The following SCAI variants were observed in gnomAD, a reference collection of about 807,000 sequenced individuals.
The protein encoded by SCAI is protein SCAI.
A neutral mutation model predicts 92.2 loss-of-function variants in SCAI; 24 were observed. The observed-to-expected ratio is 0.26, with a 90% CI of 0.19 to 0.37. The LOEUF (loss-of-function observed/expected upper bound fraction) is 0.37, where lower values mean the gene tolerates loss of function less well. SCAI is among the 10% of genes least tolerant of loss of function. The probability of loss-of-function intolerance (pLI) is 1.00; values close to 1 mark genes in which losing one functional copy is unlikely to be tolerated. For synonymous variants in SCAI, 261 were observed against 258.6 expected, an observed-to-expected ratio of 1.01 and a Z score of -0.09; for missense variants, 450 against 736.2, an observed-to-expected ratio of 0.61 and a Z score of 4.50.
intron 3 of SCAI, among the ~76,000 whole-genome samples, chr9:125,046,305 TCATATATATATACACACACACACA>T (rs1327148288): frequency 2.0e-5 from 1 of 49,690 alleles, no homozygotes; most frequent in African/African-American, 6.9e-5. Context: ...ATGGCCTATC[TCATATATATATACACACACACACA>T]CACATATATA....
At chr9:125,099,456 A>G (rs1014255258) in intron 2 of SCAI, among the ~76,000 whole-genome samples, 1 of 151,806 alleles carries the variant, frequency 6.6e-6, no homozygotes, top group African/African-American at 2.4e-5. Context: ...ATTTTTTTGT[A>G]TTTTTAGTAG....
At chr9:124,982,203 C>G (rs1440094065) in intron 14 of SCAI, among the ~76,000 whole-genome samples, 1 of 152,118 alleles carries the variant, frequency 6.6e-6, no homozygotes, top group East Asian at 1.9e-4. Context: ...GCAATCACGA[C>G]AATCCTGTGA....
intron 2 of SCAI, among the ~76,000 whole-genome samples, chr9:125,057,959 T>C (rs1310926767): frequency 6.6e-6 from 1 of 151,770 alleles, no homozygotes; most frequent in East Asian, 1.9e-4. Flanking sequence ...CCAGATGTGG[T>C]GGCAGGTGCC....
chr9:124,961,536 G>A (rs1281171633), intron 17 of SCAI, among the ~76,000 whole-genome samples: 1 of 151,706 alleles, frequency 6.6e-6, no homozygotes, highest in Non-Finnish European at 1.5e-5. Context: ...TGTAATCCCA[G>A]CTACTCGGGA....
intron 3 of SCAI, among the ~76,000 whole-genome samples, chr9:125,051,564 T>C (rs1279433744): frequency 6.6e-6 from 1 of 152,226 alleles, no homozygotes; most frequent in African/African-American, 2.4e-5. Context: ...GATAAATGTT[T>C]GAAGTGATGG....
intron 2 of SCAI, among the ~76,000 whole-genome samples, chr9:125,106,112 A>AAAAAT (rs1834775871): frequency 4.1e-5 from 2 of 48,538 alleles, no homozygotes; most frequent in Non-Finnish European, 8.5e-5. Context: ...AAAAAAAAAA[A>AAAAAT]AAAAAAAAAA....
At chr9:124,989,492 A>G (rs181347331) in intron 14 of SCAI, among the ~76,000 whole-genome samples, 1 of 152,128 alleles carries the variant, frequency 6.6e-6, no homozygotes, top group East Asian at 1.9e-4. Context: ...GAGAGAGGAG[A>G]ATCACTTGAA....
intron 15 of SCAI, among the ~76,000 whole-genome samples, chr9:124,973,806 G>A (rs201806834): frequency 1.3e-5 from 2 of 152,028 alleles, no homozygotes; most frequent in Non-Finnish European, 1.5e-5. Flanking sequence ...TAGCCTGGGC[G>A]ACAGTGCAAG....
chr9:125,051,440 T>C (rs1211527531), intron 3 of SCAI, among the ~76,000 whole-genome samples: 1 of 152,226 alleles, frequency 6.6e-6, no homozygotes, highest in Non-Finnish European at 1.5e-5. Context: ...TTATTAGTAT[T>C]GTAAAATTTT....
intron 3 of SCAI, among the ~76,000 whole-genome samples, chr9:125,031,405 G>A (rs546780729): frequency 1.3e-5 from 2 of 152,160 alleles, no homozygotes; most frequent in South Asian, 2.1e-4. Flanking sequence ...GGGGCTACAG[G>A]TGCCTGCCAC....
chr9:125,089,666 G>T lies in SCAI; in HGVS notation c.99-33659C>A, dbSNP rs183424434. 2.3e-4 allele frequency among the ~76,000 whole-genome samples: 35 copies of T among 150,462 alleles called. 1 individual carries two copies. Among genetic ancestry groups the T allele is most frequent in the Admixed American group, 1.9e-3 (29 of 15,106 alleles). On this transcript the variant is annotated intron_variant, in intron 2 of 17. Transcript: ENST00000336505. The stretch of plus-strand genomic sequence containing the variant: ...AAGTTTGAGGCAGTAATCTAGCTGG[G>T]TTTTTTTTTGGTTTGGGGTTGGGGG...
chr9:124,968,107 T>C (rs564422350), intron 17 of SCAI, among the ~76,000 whole-genome samples: 192 of 152,314 alleles, frequency 1.3e-3, no homozygotes, highest in Non-Finnish European at 1.6e-3. Context: ...CAAAAAAATC[T>C]TCTGTAGAAA....
chr9:125,107,386 C>T (rs1196791273), intron 2 of SCAI, among the ~76,000 whole-genome samples: 13 of 142,122 alleles, frequency 9.1e-5, no homozygotes, highest in Admixed American at 4.3e-4. Flanking sequence ...TCCAGCCTGG[C>T]GACAGAGGGA....
intron 2 of SCAI, among the ~76,000 whole-genome samples, chr9:125,058,980 T>C (rs1206381768): frequency 1.3e-5 from 2 of 152,134 alleles, no homozygotes; most frequent in East Asian, 1.9e-4. Context: ...TAAGAAATCA[T>C]GAATCAATAT....
chr9:125,049,984 A>C (rs866344922), intron 3 of SCAI, among the ~76,000 whole-genome samples: 1 of 152,192 alleles, frequency 6.6e-6, no homozygotes, highest in South Asian at 2.1e-4. Flanking sequence ...ACTTTTCCGC[A>C]GTCAATTATA....
chr9:125,131,625 G>A (rs1178716477), intron 2 of SCAI, among the ~76,000 whole-genome samples: 1 of 151,920 alleles, frequency 6.6e-6, no homozygotes, highest in Admixed American at 6.6e-5. Context: ...AAATATTACC[G>A]TGAAAATGCT....
At chr9:125,141,560 T>C (rs1835666224) in intron 2 of SCAI, among the ~76,000 whole-genome samples, 1 of 152,270 alleles carries the variant, frequency 6.6e-6, no homozygotes, top group Non-Finnish European at 1.5e-5. Context: ...ACTTTGTTTG[T>C]GGACTACTTA....
rs115785568 is a variant in SCAI at position 125,017,186 on chromosome 9, T to C, written c.861+1613A>G. 9.1e-3 allele frequency among the ~76,000 whole-genome samples: 1,391 copies of C among 152,340 alleles called. 25 individuals carry two copies. Among genetic ancestry groups the C allele is most frequent in the African/African-American group, 0.031 (1,294 of 41,576 alleles). The stretch of plus-strand genomic sequence containing the variant: ...GCCTGACACTTTTCTAAAGTAAATC[T>C]ATCAATTTCTATTTCTACATAGTAT... On this transcript the variant is annotated intron_variant, in intron 9 of 17. Transcript: ENST00000336505.
chr9:125,007,201 AAAT>A (rs1276921601), intron 9 of SCAI, among the ~76,000 whole-genome samples: 2 of 152,198 alleles, frequency 1.3e-5, no homozygotes, highest in Non-Finnish European at 2.9e-5. Flanking sequence ...TAGTAATTAT[AAAT>A]ATTAATATGA....
Sources: allele counts gnomAD v4.1 joint callset (sites outside exome capture counted in the v4.1 genomes callset), GRCh38; gene constraint gnomAD v4.1.1; transcripts MANE v1.5; gene names NCBI Gene and HGNC (gene_info 2026-07-23, HGNC 2026-07-21).